Variants in KBTBD11 observed in about 807,000 individuals in gnomAD.
KBTBD11 encodes kelch repeat and BTB domain-containing protein 11.
For missense variants in KBTBD11, 1,390 were observed against 1,001.8 expected, an observed-to-expected ratio of 1.39 and a Z score of -5.23; for synonymous variants, 747 against 499.0, an observed-to-expected ratio of 1.50 and a Z score of -6.63.
chr8:1,986,329 A>C (rs1816705654), intron 1 of KBTBD11, among the ~76,000 whole-genome samples: 1 of 152,248 alleles, frequency 6.6e-6, no homozygotes, highest in Non-Finnish European at 1.5e-5. Context: ...GACTCTGTCA[A>C]ATCTTAACTG....
intron 1 of KBTBD11, chr8:1,974,225 CGCGTGGGGG>C: frequency 1.1e-5 from 10 of 903,912 alleles, no homozygotes; most frequent in Non-Finnish European, 1.3e-5. Context: ...TCCGGGAGGC[CGCGTGGGGG>C]GCGTGGGGGC....
Position 2,003,248 on chromosome 8 carries a change from T to C in KBTBD11, c.*184T>C. 1 of 1,009,934 alleles carries C rather than the reference T, an allele frequency of 9.9e-7. No individual in the cohort carries two copies. The highest frequency in any genetic ancestry group is 1.3e-6 in the Non-Finnish European group (1 of 774,696). 62.6% of individuals were successfully genotyped at this position (1,009,934 alleles called of 1,614,324 possible). On this transcript the variant is annotated 3_prime_UTR_variant, in exon 2 of 2. Coordinates refer to ENST00000320248, the MANE Select transcript of KBTBD11 (RefSeq NM_014867.3). ...CGCTTTGCTTTCCTTTTGCTTGTCTTTGCTTCTGGGGGTGGATGCCTTGAG... is the reference window on the plus strand; with the variant it reads ...CGCTTTGCTTTCCTTTTGCTTGTCTCTGCTTCTGGGGGTGGATGCCTTGAG...
At position 1,991,390 on chromosome 8, in the gene KBTBD11, G is replaced by A. The variant is rs907079960; in HGVS notation, c.-908-8895G>A. On this transcript the variant is annotated intron_variant, in intron 1 of 1. Transcript: ENST00000320248. ...TAAGCCAGAAGTGGCATTTATTAGC[G>A]AACTTACCTCAGACGCCCCCAGAAG... Among the ~76,000 whole-genome samples the A allele has an allele frequency of 5.1e-4, 77 of 152,346 alleles. 1 individual carries two copies. Among genetic ancestry groups the A allele is most frequent in the African/African-American group, 1.8e-3 (74 of 41,572 alleles).
intron 1 of KBTBD11, among the ~76,000 whole-genome samples, chr8:1,978,075 G>C (rs1347275376): frequency 6.6e-6 from 1 of 152,180 alleles, no homozygotes; most frequent in Non-Finnish European, 1.5e-5. Flanking sequence ...GTGCCATGGT[G>C]GTTTGTTGCA....
In KBTBD11 at chr8:1,993,958, C is replaced by CACACAAAAAAA; in HGVS notation, c.-908-6326_-908-6325insCACAAAAAAAA. Among the ~76,000 whole-genome samples, 3 of 148,244 alleles carry CACACAAAAAAA rather than the reference C, an allele frequency of 2.0e-5. 1 individual carries two copies. The South Asian group carries it at 6.4e-4, about 32-fold the overall frequency. ...ACACACACACACACACACACACACACAAAACCCCATAGATGGTTTATCAGG... is the reference window on the plus strand; with the variant it reads ...ACACACACACACACACACACACACACACACAAAAAAAAAAACCCCATAGATGGTTTATCAGG... On this transcript the variant is annotated intron_variant, in intron 1 of 1. Coordinates refer to ENST00000320248, the MANE Select transcript of KBTBD11 (RefSeq NM_014867.3).
chr8:1,979,779 G>A (rs77004699), intron 1 of KBTBD11, among the ~76,000 whole-genome samples: 14,827 of 152,260 alleles, frequency 0.097, 963 homozygotes, highest in East Asian at 0.17. Context: ...TGTGGCCCAC[G>A]CGGTCCTGAA....
Position 2,002,827 on chromosome 8 carries a change from C to T in KBTBD11, c.1635C>T (p.Gly545=), listed in dbSNP as rs957044467. ...GCGTCGCGCCCCTGCGCCTCCCCGG[C>T]GGCCCCACGGGCCTGCAGCCCTTCC... ...SPCVAPLRLP[G]GPTGLQPFRC... Residue 545 remains glycine, a synonymous_variant, in exon 2 of 2, where the codon GGC becomes GGT. Coordinates refer to ENST00000320248, the MANE Select transcript of KBTBD11 (RefSeq NM_014867.3). The surrounding 1 kb of genome is among the most constrained non-coding windows in gnomAD (Gnocchi z 4.1). 3.5e-6 allele frequency: 5 copies of T among 1,427,616 alleles called. No individual in the cohort carries two copies. Among genetic ancestry groups the T allele is most frequent in the African/African-American group, 3.0e-5 (2 of 66,376 alleles). 88.4% of individuals were successfully genotyped at this position (1,427,616 alleles called of 1,614,324 possible).
At chr8:1,989,239 C>T (rs1422093374) in intron 1 of KBTBD11, among the ~76,000 whole-genome samples, 1 of 152,190 alleles carries the variant, frequency 6.6e-6, no homozygotes, top group African/African-American at 2.4e-5. Flanking sequence ...AGTTTCCACC[C>T]CAAGGACACT....
At position 1,988,504 on chromosome 8, in the gene KBTBD11, G is replaced by C. The variant is rs528237740; in HGVS notation, c.-908-11781G>C. On this transcript the variant is annotated intron_variant, in intron 1 of 1. Coordinates refer to ENST00000320248, the MANE Select transcript of KBTBD11 (RefSeq NM_014867.3). The stretch of plus-strand genomic sequence containing the variant: ...CCAGTGATGGTGAGCATTTTTTCAT[G>C]TGTCTGTCGGCTGCATAAATGTCTT... Among the ~76,000 whole-genome samples, 40 of 152,298 alleles carry C rather than the reference G, an allele frequency of 2.6e-4. No homozygotes were observed. The South Asian group carries it at 8.1e-3, about 31-fold the overall frequency.
chr8:1,992,534 C>A (rs1035210281), intron 1 of KBTBD11, among the ~76,000 whole-genome samples: 2 of 151,858 alleles, frequency 1.3e-5, no homozygotes, highest in Admixed American at 1.3e-4. Context: ...TAGAAATGCT[C>A]CCCATAGTTT....
chr8:1,989,731 C>G (rs1816838201), intron 1 of KBTBD11, among the ~76,000 whole-genome samples: 1 of 152,136 alleles, frequency 6.6e-6, no homozygotes. Context: ...ACACGAGTGC[C>G]CCCTCACCTC....
At chr8:1,998,640 G>C (rs374054623) in intron 1 of KBTBD11, among the ~76,000 whole-genome samples, 1 of 152,142 alleles carries the variant, frequency 6.6e-6, no homozygotes, top group Non-Finnish European at 1.5e-5. Context: ...TGGATTTTAG[G>C]GGCTATGTCT....
At chr8:1,976,407 G>A (rs781285441) in intron 1 of KBTBD11, 2 of 152,126 alleles carry the variant, frequency 1.3e-5, no homozygotes, top group African/African-American at 4.8e-5. Flanking sequence ...AAAGCATCTA[G>A]TTTACTTTTT....
Position 2,001,587 on chromosome 8 carries a change from G to A in KBTBD11, c.395G>A (p.Gly132Glu), listed in dbSNP as rs1301132729. 2.1e-6 allele frequency: 3 copies of A among 1,457,978 alleles called. No individual in the cohort carries two copies. The highest frequency in any genetic ancestry group is 3.0e-5 in the East Asian group (1 of 33,294). The allele number at this position is 1,457,978 out of a possible 1,614,324, so 90.3% of individuals were successfully genotyped here. The part of the protein sequence containing the change: ...EPGEPAPVPP[G>E]FGAVYGEPDL... ...GGGGAGCCCGCGCCCGTACCCCCGGGGTTCGGGGCGGTGTACGGGGAGCCG... is the reference window on the plus strand; with the variant it reads ...GGGGAGCCCGCGCCCGTACCCCCGGAGTTCGGGGCGGTGTACGGGGAGCCG... The change falls in exon 2 of 2, where the codon GGG (glycine) becomes GAG (glutamate). Residue 132 changes from glycine to glutamate, a missense_variant. Physicochemically the swap from Gly to Glu is moderately conservative, Grantham distance 98 (BLOSUM62 -2). Coordinates refer to ENST00000320248, the MANE Select transcript of KBTBD11 (RefSeq NM_014867.3).
intron 1 of KBTBD11, among the ~76,000 whole-genome samples, chr8:1,991,379 C>T (rs556127596): frequency 2.0e-5 from 3 of 152,338 alleles, no homozygotes; most frequent in African/African-American, 4.8e-5. Context: ...CCAGAAGTGG[C>T]ATTTATTAGC....
At chr8:1,975,934 G>T (rs978290292) in intron 1 of KBTBD11, 1 of 152,204 alleles carries the variant, frequency 6.6e-6, no homozygotes, top group Non-Finnish European at 1.5e-5. Context: ...AGCAGGTCCC[G>T]TCTTTGTCCC....
intron 1 of KBTBD11, among the ~76,000 whole-genome samples, chr8:1,983,054 T>A (rs1816592194): frequency 6.6e-6 from 1 of 152,150 alleles, no homozygotes; most frequent in African/African-American, 2.4e-5. Flanking sequence ...TTGGTTTAGA[T>A]AATGTTGACT....
chr8:1,991,425 G>A (rs183466459), intron 1 of KBTBD11, among the ~76,000 whole-genome samples: 41 of 152,324 alleles, frequency 2.7e-4, no homozygotes, highest in African/African-American at 7.9e-4. Flanking sequence ...GCTGTCCTTC[G>A]GCACCACATG....
At chr8:1,992,435 TC>T (rs11312269) in intron 1 of KBTBD11, among the ~76,000 whole-genome samples, 16,455 of 151,644 alleles carry the variant, frequency 0.11, 1,102 homozygotes, top group Admixed American at 0.18. Flanking sequence ...GGGAGCGAGC[TC>T]GGTGGAGGCT....
Sources: gnomAD v4.1 joint callset for allele counts (sites outside exome capture counted in the v4.1 genomes callset) on GRCh38, gnomAD v4.1.1 for gene constraint, Gnocchi (gnomAD v3.1) non-coding constraint, MANE v1.5 for transcripts, NCBI Gene and HGNC (gene_info 2026-07-23, HGNC 2026-07-21) for gene names.